Variants in TNFSF4 observed in about 807,000 individuals in gnomAD.
TNFSF4 encodes TNF superfamily member 4.
TNFSF4 carries 4 observed loss-of-function variants against 7.3 expected under a neutral mutation model. The observed-to-expected ratio is 0.55, with a 90% CI of 0.27 to 1.25. The LOEUF (loss-of-function observed/expected upper bound fraction) is 1.25, where lower values mean the gene tolerates loss of function less well. Ranked by LOEUF, TNFSF4 falls within the 50% of genes most tolerant of loss-of-function variation. The pLI, the probability that TNFSF4 is intolerant of heterozygous loss-of-function variation, is 0.12. For synonymous variants in TNFSF4, 76 were observed against 83.7 expected (o/e 0.91, Z 0.50); for missense variants, 181 against 208.8 (o/e 0.87, Z 0.82).
the TNFSF4 span, among the ~76,000 whole-genome samples, chr1:173,231,524 G>A: frequency 1.3e-5 from 2 of 152,156 alleles, no homozygotes; most frequent in African/African-American, 4.8e-5. Context: ...CATTTCCTTT[G>A]AAAAGTGGCA....
At chr1:173,391,242 T>G in the TNFSF4 span, among the ~76,000 whole-genome samples, 8 of 148,984 alleles carry the variant, frequency 5.4e-5, no homozygotes, top group South Asian at 1.7e-3. Flanking sequence ...CACTTTATGG[T>G]CCCCTCCTTC....
the TNFSF4 span, among the ~76,000 whole-genome samples, chr1:173,316,862 C>A: frequency 2.6e-5 from 4 of 152,088 alleles, no homozygotes; most frequent in African/African-American, 9.7e-5. Flanking sequence ...TGGAGATTTT[C>A]TCCCATGTTT....
intron 1 of TNFSF4, among the ~76,000 whole-genome samples, chr1:173,192,357 C>A (rs1410681568): frequency 6.6e-6 from 1 of 152,082 alleles, no homozygotes; most frequent in Non-Finnish European, 1.5e-5. Flanking sequence ...ACTGATACAA[C>A]CATACAATGG....
the TNFSF4 span, chr1:173,362,925 G>C: frequency 2.2e-6 from 1 of 455,478 alleles, no homozygotes; most frequent in South Asian, 1.9e-5. Flanking sequence ...ATGTACTCGT[G>C]CACCAAAATA....
chr1:173,411,459 A>G, the TNFSF4 span, among the ~76,000 whole-genome samples: 4 of 152,258 alleles, frequency 2.6e-5, no homozygotes, highest in African/African-American at 9.6e-5. Context: ...TATAAATTCC[A>G]TGAGGATGTC....
chr1:173,399,437 C>T, the TNFSF4 span, among the ~76,000 whole-genome samples: 6 of 152,076 alleles, frequency 3.9e-5, no homozygotes, highest in Non-Finnish European at 7.4e-5. Context: ...CAATGCAACT[C>T]GCTGTCCACT....
At chr1:173,378,877 T>TCC in the TNFSF4 span, among the ~76,000 whole-genome samples, 9 of 131,746 alleles carry the variant, frequency 6.8e-5, no homozygotes, top group African/African-American at 2.2e-4. Flanking sequence ...AGAACCCCCC[T>TCC]CCCCCCCCAC....
the TNFSF4 span, among the ~76,000 whole-genome samples, chr1:173,402,628 A>G: frequency 2.0e-5 from 3 of 152,168 alleles, no homozygotes; most frequent in African/African-American, 7.2e-5. Flanking sequence ...TTTCTCATCA[A>G]TCCTGCTTCA....
chr1:173,411,768 C>T, the TNFSF4 span, among the ~76,000 whole-genome samples: 1 of 151,668 alleles, frequency 6.6e-6, no homozygotes, highest in Non-Finnish European at 1.5e-5. Flanking sequence ...CACCACTGCA[C>T]TCCAGCCTGG....
At chr1:173,395,267 C>T in the TNFSF4 span, among the ~76,000 whole-genome samples, 1 of 149,774 alleles carries the variant, frequency 6.7e-6, no homozygotes, top group Non-Finnish European at 1.5e-5. Flanking sequence ...GTAAAGAGAG[C>T]ACTGATAATT....
chr1:173,347,536 A>G, the TNFSF4 span, among the ~76,000 whole-genome samples: 1 of 152,254 alleles, frequency 6.6e-6, no homozygotes, highest in Admixed American at 6.5e-5. Flanking sequence ...ATTGTTCTAC[A>G]TACTAGGAAA....
At chr1:173,437,638 T>C in the TNFSF4 span, among the ~76,000 whole-genome samples, 2 of 152,212 alleles carry the variant, frequency 1.3e-5, no homozygotes, top group Non-Finnish European at 2.9e-5. Flanking sequence ...TGATTCTCAA[T>C]TGACCCAAAA....
chr1:173,267,913 A>AGAAGGAAC, the TNFSF4 span, among the ~76,000 whole-genome samples: 4 of 151,360 alleles, frequency 2.6e-5, no homozygotes, highest in Admixed American at 1.3e-4. Context: ...GAGGAAAGAG[A>AGAAGGAAC]AGGAGAGGAA....
the TNFSF4 span, among the ~76,000 whole-genome samples, chr1:173,231,268 C>G: frequency 6.6e-6 from 1 of 152,214 alleles, no homozygotes. Flanking sequence ...GGCTTCACCC[C>G]TGGGATGCAA....
At chr1:173,303,395 C>A in the TNFSF4 span, among the ~76,000 whole-genome samples, 2 of 151,864 alleles carry the variant, frequency 1.3e-5, no homozygotes, top group African/African-American at 4.8e-5. Flanking sequence ...ACTTTCCCCC[C>A]ACCTCCCTCT....
the TNFSF4 span, among the ~76,000 whole-genome samples, chr1:173,260,880 A>T: frequency 6.6e-6 from 1 of 152,216 alleles, no homozygotes; most frequent in Non-Finnish European, 1.5e-5. Flanking sequence ...ACTCCCACAC[A>T]ATAATAATGG....
At chr1:173,366,679 T>G in the TNFSF4 span, among the ~76,000 whole-genome samples, 4 of 152,136 alleles carry the variant, frequency 2.6e-5, no homozygotes, top group Non-Finnish European at 4.4e-5. Context: ...GTAATGGATA[T>G]CCTATTTACC....
chr1:173,432,526 T>C, the TNFSF4 span, among the ~76,000 whole-genome samples: 12 of 152,130 alleles, frequency 7.9e-5, no homozygotes, highest in Middle Eastern at 3.4e-3. Flanking sequence ...AGTGAGAAGG[T>C]TGCCTTACTA....
At chr1:173,190,475 G>A (rs958033418) in intron 1 of TNFSF4, among the ~76,000 whole-genome samples, 3 of 152,170 alleles carry the variant, frequency 2.0e-5, no homozygotes, top group Non-Finnish European at 4.4e-5. Flanking sequence ...AGGAAGAATG[G>A]AGAGTCATTC....
Sources: allele counts gnomAD v4.1 joint callset (sites outside exome capture counted in the v4.1 genomes callset), GRCh38; gene constraint gnomAD v4.1.1; transcripts MANE v1.5; gene names NCBI Gene and HGNC (gene_info 2026-07-23, HGNC 2026-07-21).